PPP4R4: variants seen among roughly 807,000 people sequenced by gnomAD.
PPP4R4 encodes the protein serine/threonine-protein phosphatase 4 regulatory subunit 4.
In PPP4R4, 70 loss-of-function variants were observed where a neutral mutation model predicts 121.8. That is an observed-to-expected ratio of 0.57 (90% CI 0.47 to 0.70). The LOEUF (loss-of-function observed/expected upper bound fraction) is 0.70, where lower values mean the gene tolerates loss of function less well. Ranked by LOEUF, PPP4R4 falls within the 30% of genes least tolerant of loss-of-function variation. The probability of loss-of-function intolerance (pLI) is 0.00; values close to 1 mark genes in which losing one functional copy is unlikely to be tolerated. For synonymous variants in PPP4R4, 348 were observed against 355.7 expected, an observed-to-expected ratio of 0.98 and a Z score of 0.24; for missense variants, 875 against 1,033.6, an observed-to-expected ratio of 0.85 and a Z score of 2.10.
intron 23 of PPP4R4, among the ~76,000 whole-genome samples, chr14:94,274,152 A>G (rs1414679430): frequency 6.6e-6 from 1 of 152,130 alleles, no homozygotes; most frequent in African/African-American, 2.4e-5. Context: ...ACACAAAATT[A>G]TACTATACTC....
In PPP4R4 at chr14:94,233,702, C is replaced by T. The variant is rs761641862; in HGVS notation, c.566C>T (p.Ser189Phe). 8.7e-6 allele frequency: 14 copies of T among 1,606,536 alleles called. No individual in the cohort carries two copies. The highest frequency in any genetic ancestry group is 1.0e-5 in the Non-Finnish European group (12 of 1,174,598). ...SKAQLSQTVQ[S>F]RLVSCKILGK... ...GCACAACTTTCCCAAACAGTCCAGT[C>T]TCGTTTAGTTAGTTGTAAAATTTTA... Residue 189 changes from serine (S) to phenylalanine (F), a missense_variant, in exon 6 of 25, where the codon TCT (serine) becomes TTT (phenylalanine). By Grantham distance (155) the Ser-to-Phe change is radical (BLOSUM62 -2). Transcript: ENST00000304338.
intron 23 of PPP4R4, among the ~76,000 whole-genome samples, chr14:94,270,414 C>A (rs550117330): frequency 6.6e-6 from 1 of 151,808 alleles, no homozygotes; most frequent in East Asian, 1.9e-4. Context: ...GCAAAAGGAC[C>A]CCAGTGTAGC....
chr14:94,192,888 AAG>A (rs1889677818), intron 2 of PPP4R4, among the ~76,000 whole-genome samples: 3 of 152,276 alleles, frequency 2.0e-5, no homozygotes, highest in African/African-American at 7.2e-5. Flanking sequence ...ATTAGATTTT[AAG>A]TTCTTAGAGG....
rs368545441 is a variant in PPP4R4, at chr14:94,258,838, C to A, written c.2052+14C>A. On this transcript the variant is annotated intron_variant, in intron 18 of 24. Coordinates refer to ENST00000304338, the MANE Select transcript of PPP4R4 (RefSeq NM_058237.2). ...TCTATGGATGCTGTAAGTATACTCTCTTTACCTTATTGTGTTGGTCCATTT... is the reference window on the plus strand; with the variant it reads ...TCTATGGATGCTGTAAGTATACTCTATTTACCTTATTGTGTTGGTCCATTT... 169 of 1,577,760 alleles carry A rather than the reference C, an allele frequency of 1.1e-4. No homozygotes were observed. Among genetic ancestry groups the A allele is most frequent in the Non-Finnish European group, 1.4e-4 (165 of 1,148,724 alleles).
intron 3 of PPP4R4, among the ~76,000 whole-genome samples, chr14:94,218,435 C>T (rs1353944577): frequency 8.4e-6 from 1 of 119,704 alleles, no homozygotes; most frequent in African/African-American, 3.4e-5. Context: ...CGCGCGCGCA[C>T]ACACACACAC....
At chr14:94,260,911 A>C (rs1240629364) in intron 19 of PPP4R4, among the ~76,000 whole-genome samples, 7 of 151,280 alleles carry the variant, frequency 4.6e-5, no homozygotes, top group Non-Finnish European at 8.9e-5. Flanking sequence ...TTTTTCCTCT[A>C]TTTTCTTTTA....
intron 5 of PPP4R4, among the ~76,000 whole-genome samples, chr14:94,232,652 G>A (rs1282755710): frequency 6.6e-6 from 1 of 152,152 alleles, no homozygotes; most frequent in Non-Finnish European, 1.5e-5. Context: ...GCTACTTTGA[G>A]AGGAAACAAG....
At chr14:94,266,818 A>G in intron 22 of PPP4R4, 141 bp from the exon 23 acceptor site, 1 of 608,464 alleles carries the variant, frequency 1.6e-6, no homozygotes, top group Non-Finnish European at 2.9e-6. Flanking sequence ...TGAATATAAA[A>G]AAAATGAGAA....
At chr14:94,197,831 T>A (rs1172976207) in intron 2 of PPP4R4, among the ~76,000 whole-genome samples, 1 of 152,240 alleles carries the variant, frequency 6.6e-6, no homozygotes, top group African/African-American at 2.4e-5. Context: ...TTTTTTTGTA[T>A]GGCTTCTTTC....
chr14:94,232,582 A>G (rs1464941365), intron 5 of PPP4R4, among the ~76,000 whole-genome samples: 1 of 152,220 alleles, frequency 6.6e-6, no homozygotes, highest in Non-Finnish European at 1.5e-5. Flanking sequence ...AAGATTTTAG[A>G]TATGTAATTT....
At position 94,267,028 on chromosome 14, in the gene PPP4R4, T is replaced by G. The variant is rs753417605; in HGVS notation, c.2448T>G (p.Ala816=). 9 of 1,581,202 alleles carry G rather than the reference T, an allele frequency of 5.7e-6. No homozygotes were observed. Among genetic ancestry groups the G allele is most frequent in the Non-Finnish European group, 7.8e-6 (9 of 1,153,724 alleles). ...GAAAGACTTCTGTGCTTTCACTAGC[T>G]GGTAAGTAGCAATCTAAGTTCTTCA... The part of the protein sequence containing the change: ...GLGKTSVLSL[A]DDSFRTRNAS... The change falls in exon 23 of 25, where the codon GCT becomes GCG. Residue 816 remains alanine, a splice_region_variant and synonymous_variant. Transcript: ENST00000304338.
At chr14:94,254,000 A>G (rs192165927) in intron 16 of PPP4R4, among the ~76,000 whole-genome samples, 6 of 152,352 alleles carry the variant, frequency 3.9e-5, no homozygotes, top group Admixed American at 3.3e-4. Context: ...CCAGCTCTAT[A>G]TTAAATGTGT....
chr14:94,224,191 C>T (rs1314786573), intron 3 of PPP4R4, among the ~76,000 whole-genome samples: 2 of 152,068 alleles, frequency 1.3e-5, no homozygotes, highest in Non-Finnish European at 2.9e-5. Flanking sequence ...GTGCCTAGAG[C>T]ATAAAGCAAA....
At position 94,264,933 on chromosome 14, in the gene PPP4R4, T is replaced by A. The variant is rs199554749; in HGVS notation, c.2183T>A (p.Met728Lys). Residue 728 changes from methionine (M) to lysine (K), a missense_variant, in exon 20 of 25, where the codon ATG becomes AAG. Coordinates refer to ENST00000304338, the MANE Select transcript of PPP4R4 (RefSeq NM_058237.2). ...GATGGAAGGCCCATGAGTGATAAAA[T>A]GTTTGAAAAGAAACGTAAGTAGTTT... is the stretch of plus-strand genomic sequence containing the variant. ...QNDGRPMSDK[M>K]FEKKRRDTKT... 1 of 1,597,436 alleles carries A rather than the reference T, an allele frequency of 6.3e-7. No individual in the cohort carries two copies. The highest frequency in any genetic ancestry group is 1.4e-5 in the African/African-American group (1 of 74,070).
chr14:94,206,328 C>T (rs936307886), intron 2 of PPP4R4, among the ~76,000 whole-genome samples: 2 of 151,926 alleles, frequency 1.3e-5, no homozygotes, highest in African/African-American at 4.8e-5. Context: ...ATTTTCCATT[C>T]TTTATTTTCA....
chr14:94,265,288 AG>A, intron 20 of PPP4R4, 98 bp from the exon 21 acceptor site: 1 of 816,532 alleles, frequency 1.2e-6, no homozygotes, highest in Non-Finnish European at 2.0e-6. Flanking sequence ...CTGCTTAGCT[AG>A]GGATAGTGAT....
At position 94,231,357 on chromosome 14, in the gene PPP4R4, C is replaced by G. The variant is rs370639630; in HGVS notation, c.516+42C>G. 356 of 1,485,064 alleles carry G rather than the reference C, an allele frequency of 2.4e-4. 1 individual carries two copies. The highest frequency in any genetic ancestry group is 3.1e-4 in the Non-Finnish European group (341 of 1,090,810). 92.0% of individuals were successfully genotyped at this position (1,485,064 alleles called of 1,614,324 possible). A position where few individuals can be genotyped will look rare whatever the true frequency, so the allele number is the denominator to read the frequency against. On this transcript the variant is annotated intron_variant, in intron 5 of 24. Coordinates refer to ENST00000304338, the MANE Select transcript of PPP4R4 (RefSeq NM_058237.2). ...GGCAAATACTAATAAGTAAGTCACTCTAAGGTTTTTTTTTAAAAGGTTTCT... is the reference window on the plus strand; with the variant it reads ...GGCAAATACTAATAAGTAAGTCACTGTAAGGTTTTTTTTTAAAAGGTTTCT...
chr14:94,222,022 T>C (rs1016618532), intron 3 of PPP4R4, among the ~76,000 whole-genome samples: 5 of 152,042 alleles, frequency 3.3e-5, no homozygotes, highest in Admixed American at 3.3e-4. Context: ...CATATTCTGG[T>C]TATGTGTTGA....
chr14:94,255,644 C>T (rs1893431835), intron 16 of PPP4R4, among the ~76,000 whole-genome samples: 2 of 151,938 alleles, frequency 1.3e-5, no homozygotes, highest in African/African-American at 4.8e-5. Flanking sequence ...TACTTCTCAC[C>T]ACCTTTTACT....
Sources: allele counts gnomAD v4.1 joint callset (sites outside exome capture counted in the v4.1 genomes callset), GRCh38; gene constraint gnomAD v4.1.1; transcripts MANE v1.5; gene names NCBI Gene and HGNC (gene_info 2026-07-23, HGNC 2026-07-21).